Variants in RGS3 observed in about 807,000 individuals in gnomAD.
RGS3 encodes the protein regulator of G protein signaling 3, also known as regulator of G-protein signalling 3.
A neutral mutation model predicts 132.6 loss-of-function variants in RGS3; 80 were observed. The observed-to-expected ratio is 0.60, with a 90% CI of 0.50 to 0.73. The LOEUF (loss-of-function observed/expected upper bound fraction) is 0.73. Ranked by LOEUF, RGS3 falls within the 30% of genes least tolerant of loss-of-function variation. The pLI, the probability that RGS3 is intolerant of heterozygous loss-of-function variation, is 0.00. For missense variants in RGS3, 1,382 were observed against 1,530.8 expected (o/e 0.90, Z 1.62); for synonymous variants, 598 against 620.6 (o/e 0.96, Z 0.54).
intron 16 of RGS3, 80 bp from the exon 15 acceptor site, chr9:113,522,850 C>A (rs1832023500): frequency 1.1e-6 from 1 of 898,276 alleles, no homozygotes; most frequent in Non-Finnish European, 1.9e-6. Context: ...TGTGGCTCCC[C>A]ACCTTCTCGG....
chr9:113,533,417 G>A (rs1832557735), intron 18 of RGS3, among the ~76,000 whole-genome samples: 1 of 152,164 alleles, frequency 6.6e-6, no homozygotes, highest in South Asian at 2.1e-4. Flanking sequence ...TTTTAGTAGA[G>A]ACGGGGTTTC....
intron 18 of RGS3, among the ~76,000 whole-genome samples, chr9:113,532,517 A>C (rs1014463669): frequency 6.6e-6 from 1 of 152,100 alleles, no homozygotes; most frequent in African/African-American, 2.4e-5. Flanking sequence ...ACCCAGCCCT[A>C]CACTCTGCTG....
rs762952712 is a variant in RGS3 at position 113,507,451 on chromosome 9, G to A, written c.1250G>A (p.Arg417Gln). The change falls in exon 13 of 25, where the codon CGG becomes CAG. Residue 417 changes from arginine (R) to glutamine (Q), a missense_variant. By Grantham distance (43) the Arg-to-Gln change is conservative (BLOSUM62 1). Transcript: ENST00000350696. This position sits in a 1 kb window ranked among gnomAD's most constrained non-coding sequence, Gnocchi z 5.0. Reference sequence around the variant, plus strand: ...AACTGCACCCATGGGGTCCAGGCACGGCCTGAGCAGCGCCACAGCTGCCAC... The same window carrying A: ...AACTGCACCCATGGGGTCCAGGCACAGCCTGAGCAGCGCCACAGCTGCCAC... The A allele has an allele frequency of 4.1e-5, 66 of 1,613,672 alleles. 1 individual carries two copies. The highest frequency in any genetic ancestry group is 3.5e-4 in the South Asian group (32 of 91,066).
At chr9:113,553,730 C>T (rs1316144236) in intron 19 of RGS3, among the ~76,000 whole-genome samples, 1 of 151,606 alleles carries the variant, frequency 6.6e-6, no homozygotes, top group Admixed American at 6.6e-5. Flanking sequence ...GTAATCCCAG[C>T]TACTGGGGAG....
chr9:113,471,087 GC>G (rs1829816069), intron 3 of RGS3, among the ~76,000 whole-genome samples: 1 of 152,154 alleles, frequency 6.6e-6, no homozygotes, highest in Non-Finnish European at 1.5e-5. Context: ...TTTGTCAGGT[GC>G]CTAGGGTCAC....
chr9:113,447,361 A>ATATATATATATATATATATATATAT (rs1554751008), intron 1 of RGS3, among the ~76,000 whole-genome samples: 1 of 118,416 alleles, frequency 8.4e-6, no homozygotes, highest in Non-Finnish European at 1.8e-5. Context: ...ATATATATAT[A>ATATATATATATATATATATATATAT]GGCAAGGGTT....
chr9:113,505,371 G>A (rs1831082609), intron 10 of RGS3, 71 bp from the exon 9 acceptor site: 1 of 1,400,028 alleles, frequency 7.1e-7, no homozygotes, highest in African/African-American at 1.4e-5. Context: ...GTGGGCTGTG[G>A]GCTTCCTGAC....
intron 14 of RGS3, 75 bp from the exon 13 acceptor site, chr9:113,514,383 C>T (rs969750761): frequency 1.5e-6 from 2 of 1,328,106 alleles, no homozygotes; most frequent in Non-Finnish European, 2.1e-6. Context: ...GAGTCCGTGT[C>T]CCCTGTTTCT....
exon 25 of RGS3, chr9:113,596,899 T>C: frequency 1.2e-6 from 2 of 1,613,722 alleles, no homozygotes; most frequent in Non-Finnish European, 8.5e-7. Flanking sequence ...GCTTTCTCCG[T>C]TCTGACCTCT....
At chr9:113,491,103 TTA>T (rs1170985988) in intron 7 of RGS3, among the ~76,000 whole-genome samples, 24 of 142,420 alleles carry the variant, frequency 1.7e-4, no homozygotes, top group Non-Finnish European at 3.2e-4. Context: ...TTAATTATAA[TTA>T]TATATGAGCA....
chr9:113,469,165 T>C (rs115400146), intron 3 of RGS3, among the ~76,000 whole-genome samples: 1,731 of 151,946 alleles, frequency 0.011, 28 homozygotes, highest in African/African-American at 0.039. Context: ...TCATTTTCTG[T>C]AGTGAGAGTG....
chr9:113,501,298 C>T (rs1292897330), intron 10 of RGS3: 3 of 790,886 alleles, frequency 3.8e-6, no homozygotes, highest in Non-Finnish European at 5.5e-6. Context: ...CGCCCTCTCC[C>T]CGCCGGGCCC....
At chr9:113,540,101 C>T (rs552446699) in intron 19 of RGS3, among the ~76,000 whole-genome samples, 4 of 152,060 alleles carry the variant, frequency 2.6e-5, no homozygotes, top group South Asian at 4.2e-4. Flanking sequence ...GTTCATCACC[C>T]GCTCCTTCCT....
At chr9:113,469,926 T>C (rs1422078942) in intron 3 of RGS3, among the ~76,000 whole-genome samples, 1 of 151,536 alleles carries the variant, frequency 6.6e-6, no homozygotes, top group Non-Finnish European at 1.5e-5. Flanking sequence ...GTCGTTGTTG[T>C]TTTGAGACTG....
intron 3 of RGS3, among the ~76,000 whole-genome samples, chr9:113,475,969 C>G (rs1179108033): frequency 6.6e-6 from 1 of 151,562 alleles, no homozygotes; most frequent in Admixed American, 6.6e-5. Context: ...TCACGCTGTT[C>G]CCCAAGGTCC....
chr9:113,495,781 C>G lies in RGS3; in HGVS notation c.690-5C>G, dbSNP rs763978089. 4 of 1,613,898 alleles carry G rather than the reference C, an allele frequency of 2.5e-6. No individual in the cohort carries two copies. The highest frequency in any genetic ancestry group is 3.3e-5 in the Admixed American group (2 of 60,032). Reference sequence around the variant, plus strand: ...TGCTGACTCAAGTCTCACTTGTTCTCCCAGACAGAGTGGACTCATTGGCTG... The same window carrying G: ...TGCTGACTCAAGTCTCACTTGTTCTGCCAGACAGAGTGGACTCATTGGCTG... On this transcript the variant is annotated splice_polypyrimidine_tract_variant and splice_region_variant and intron_variant, in intron 7 of 24. Coordinates refer to ENST00000350696, the Ensembl canonical transcript of RGS3.
chr9:113,562,039 A>T (rs1338608763), intron 19 of RGS3, among the ~76,000 whole-genome samples: 1 of 152,212 alleles, frequency 6.6e-6, no homozygotes, highest in Non-Finnish European at 1.5e-5. Context: ...TGATGGGCTC[A>T]TCTGTTCCAT....
chr9:113,576,514 T>TCC (rs1834532385), intron 19 of RGS3, among the ~76,000 whole-genome samples: 1 of 152,066 alleles, frequency 6.6e-6, no homozygotes, highest in African/African-American at 2.4e-5. Context: ...GTATTTTTGG[T>TCC]AGAGACGGGG....
chr9:113,502,344 T>TA (rs1830938080), intron 10 of RGS3, among the ~76,000 whole-genome samples: 2 of 152,234 alleles, frequency 1.3e-5, no homozygotes, highest in Non-Finnish European at 1.5e-5. Context: ...GTCCTGATTT[T>TA]AAAAAATCAC....
Sources: allele counts gnomAD v4.1 joint callset (sites outside exome capture counted in the v4.1 genomes callset), GRCh38; gene constraint gnomAD v4.1.1; non-coding constraint Gnocchi (gnomAD v3.1); transcripts MANE v1.5; gene names NCBI Gene and HGNC (gene_info 2026-07-23, HGNC 2026-07-21).